Variants in AKT3 observed in about 807,000 individuals in gnomAD.
AKT3 encodes the protein RAC-gamma serine/threonine-protein kinase.
In AKT3, 15 loss-of-function variants were observed where a neutral mutation model predicts 65.3. The ratio of observed to expected loss-of-function variants is 0.23; its 90% CI spans 0.15 to 0.35. The LOEUF (loss-of-function observed/expected upper bound fraction) is 0.35. Among genes scored for constraint, AKT3 ranks in the 10% least tolerant of loss-of-function variants. The pLI is 1.00. For synonymous variants in AKT3, 206 were observed against 183.8 expected, an observed-to-expected ratio of 1.12 and a Z score of -0.98; for missense variants, 243 against 576.5, an observed-to-expected ratio of 0.42 and a Z score of 5.92.
chr1:243,591,983 T>C (rs765814172), intron 8 of AKT3, among the ~76,000 whole-genome samples: 2 of 152,116 alleles, frequency 1.3e-5, no homozygotes, highest in Non-Finnish European at 2.9e-5. Flanking sequence ...CAGAACAATA[T>C]TCAAAAATTT....
At chr1:243,694,782 TC>T (rs1684952301) in intron 3 of AKT3, among the ~76,000 whole-genome samples, 2 of 151,954 alleles carry the variant, frequency 1.3e-5, no homozygotes, top group East Asian at 3.8e-4. Context: ...GCTTCAAATT[TC>T]CCTTGTATCT....
At chr1:243,774,190 T>C (rs75758000) in intron 2 of AKT3, among the ~76,000 whole-genome samples, 1 of 152,068 alleles carries the variant, frequency 6.6e-6, no homozygotes, top group African/African-American at 2.4e-5. Context: ...AGTAAACCAG[T>C]ATATCAATTT....
chr1:243,525,459 G>T (rs1338295834), intron 12 of AKT3, among the ~76,000 whole-genome samples: 3 of 151,334 alleles, frequency 2.0e-5, no homozygotes, highest in African/African-American at 7.3e-5. Flanking sequence ...AGTAGACAAA[G>T]ACTTTAAAGC....
At chr1:243,719,320 G>T (rs1335602456) in intron 2 of AKT3, among the ~76,000 whole-genome samples, 1 of 152,084 alleles carries the variant, frequency 6.6e-6, no homozygotes, top group Non-Finnish European at 1.5e-5. Flanking sequence ...CTAACTTTAA[G>T]TTTTTTGTAT....
chr1:243,716,905 A>G (rs1686545007), intron 2 of AKT3, among the ~76,000 whole-genome samples: 1 of 152,232 alleles, frequency 6.6e-6, no homozygotes, highest in South Asian at 2.1e-4. Context: ...TTCTAATAAT[A>G]CTAACACTTC....
At chr1:243,825,664 C>A (rs2148435248) in intron 2 of AKT3, among the ~76,000 whole-genome samples, 1 of 152,234 alleles carries the variant, frequency 6.6e-6, no homozygotes, top group Non-Finnish European at 1.5e-5. Context: ...TTAAAAACAA[C>A]AATGAAAACC....
intron 6 of AKT3, among the ~76,000 whole-genome samples, chr1:243,622,775 C>T (rs542142288): frequency 5.5e-4 from 84 of 152,168 alleles, no homozygotes; most frequent in Non-Finnish European, 8.4e-4. Flanking sequence ...AAACCACAAT[C>T]GTTGATGCAA....
At chr1:243,553,089 T>C in intron 10 of AKT3, 146 bp from the exon 11 acceptor site, 1 of 590,294 alleles carries the variant, frequency 1.7e-6, no homozygotes, top group South Asian at 3.0e-5. Context: ...CTGTGAAGCA[T>C]CCTACAAAAA....
At chr1:243,770,160 T>A (rs958421421) in intron 2 of AKT3, among the ~76,000 whole-genome samples, 2 of 152,196 alleles carry the variant, frequency 1.3e-5, no homozygotes, top group Non-Finnish European at 2.9e-5. Flanking sequence ...ATTCCATTGA[T>A]CTACTTCTCT....
intron 9 of AKT3, among the ~76,000 whole-genome samples, chr1:243,572,292 A>AC (rs944986452): frequency 7.9e-5 from 12 of 152,154 alleles, no homozygotes; most frequent in African/African-American, 2.9e-4. Flanking sequence ...GGCTGCTTTT[A>AC]CCCTACAATG....
At chr1:243,561,075 TA>T (rs1673742644) in intron 10 of AKT3, among the ~76,000 whole-genome samples, 1 of 152,146 alleles carries the variant, frequency 6.6e-6, no homozygotes, top group Non-Finnish European at 1.5e-5. Context: ...TAGAGAATTC[TA>T]AACTACAAAT....
intron 6 of AKT3, among the ~76,000 whole-genome samples, chr1:243,627,532 G>T (rs1210024428): frequency 6.6e-6 from 1 of 152,124 alleles, no homozygotes; most frequent in Non-Finnish European, 1.5e-5. Flanking sequence ...ACTTGATACA[G>T]GTCCAGAATA....
chr1:243,523,191 C>T (rs1206941217), intron 12 of AKT3, among the ~76,000 whole-genome samples: 1 of 150,172 alleles, frequency 6.7e-6, no homozygotes, highest in Non-Finnish European at 1.5e-5. Context: ...TGCAGGAAAC[C>T]AACTGGAATT....
intron 2 of AKT3, among the ~76,000 whole-genome samples, chr1:243,834,785 G>A (rs1053587271): frequency 6.6e-5 from 10 of 150,676 alleles, no homozygotes; most frequent in African/African-American, 2.4e-4. Context: ...AAAAATATCA[G>A]ACAGAAAATG....
chr1:243,574,643 A>C (rs961281945), intron 8 of AKT3, among the ~76,000 whole-genome samples: 1 of 152,146 alleles, frequency 6.6e-6, no homozygotes, highest in Non-Finnish European at 1.5e-5. Context: ...GGGATATTTT[A>C]AAAAATTCAT....
intron 12 of AKT3, among the ~76,000 whole-genome samples, chr1:243,514,144 C>G (rs781294003): frequency 6.6e-6 from 1 of 152,090 alleles, no homozygotes; most frequent in Non-Finnish European, 1.5e-5. Context: ...CTTTATCTTT[C>G]CAATCAGAAG....
At chr1:243,637,562 T>G (rs771953656) in intron 6 of AKT3, 49 bp downstream of exon 6, 3 of 1,517,838 alleles carry the variant, frequency 2.0e-6, no homozygotes, top group East Asian at 2.3e-5. Context: ...CACAAACACA[T>G]GCACACTGCA....
At chr1:243,515,890 T>C (rs934889636) in intron 12 of AKT3, among the ~76,000 whole-genome samples, 1 of 151,112 alleles carries the variant, frequency 6.6e-6, no homozygotes, top group Non-Finnish European at 1.5e-5. Flanking sequence ...CTCGGGAGAA[T>C]GGCATGAACC....
intron 6 of AKT3, among the ~76,000 whole-genome samples, chr1:243,626,802 G>C (rs1024249919): frequency 4.6e-5 from 7 of 152,152 alleles, no homozygotes; most frequent in South Asian, 2.1e-4. Flanking sequence ...ATGTTTGAAT[G>C]AATCTTGGAA....
Sources: allele counts gnomAD v4.1 joint callset (sites outside exome capture counted in the v4.1 genomes callset), GRCh38; gene constraint gnomAD v4.1.1; transcripts MANE v1.5; gene names NCBI Gene and HGNC (gene_info 2026-07-23, HGNC 2026-07-21).